The following ATG7 variants were observed in gnomAD, a reference collection of about 807,000 sequenced individuals.
ATG7 encodes the protein autophagy related 7, also known as ubiquitin-like modifier-activating enzyme ATG7.
ATG7 carries 70 observed loss-of-function variants against 82.4 expected under a neutral mutation model. That is an observed-to-expected ratio of 0.85 (90% CI 0.70 to 1.04). ATG7 has a LOEUF of 1.04. ATG7 is among the 50% of genes least tolerant of loss of function. The pLI is 0.00. For missense variants in ATG7, 792 were observed against 864.3 expected, an observed-to-expected ratio of 0.92 and a Z score of 1.05; for synonymous variants, 287 against 313.0, an observed-to-expected ratio of 0.92 and a Z score of 0.88.
rs185592473 is a variant in ATG7 at position 11,348,195 on chromosome 3, G to T, written c.1284+160G>T. On this transcript the variant is annotated intron_variant, in intron 14 of 20. Coordinates refer to ENST00000693202, the MANE Select transcript of ATG7 (RefSeq NM_001349232.2). ...CCTCTGTTTCCTCATCTCAGAGAGG[G>T]ATAAAAAAACACAACCAGGTCAGGC... 5.7e-6 allele frequency: 6 copies of T among 1,050,388 alleles called. No homozygotes were observed. In the Admixed American group the frequency reaches 1.5e-4, roughly 26 times the overall value. The allele number at this position is 1,050,388 out of a possible 1,614,324, so 65.1% of individuals were successfully genotyped here.
chr3:11,315,790 A>C (rs1949322783), intron 9 of ATG7, among the ~76,000 whole-genome samples: 1 of 152,086 alleles, frequency 6.6e-6, no homozygotes. Context: ...GCAGTGGCGC[A>C]ATCTTGGCTT....
chr3:11,561,520 T>A (rs2072999885), downstream of ATG7, among the ~76,000 whole-genome samples: 1 of 152,138 alleles, frequency 6.6e-6, no homozygotes, highest in African/African-American at 2.4e-5. Context: ...TGAGCCCTCG[T>A]GGGACTGGCT....
At chr3:11,390,919 A>C (rs987226150) in intron 19 of ATG7, among the ~76,000 whole-genome samples, 4 of 152,178 alleles carry the variant, frequency 2.6e-5, no homozygotes, top group African/African-American at 9.6e-5. Flanking sequence ...TCTGCTACCC[A>C]CTAACCATGT....
chr3:11,366,237 A>AAC (rs2152820719), intron 18 of ATG7, among the ~76,000 whole-genome samples: 1 of 151,678 alleles, frequency 6.6e-6, no homozygotes, highest in African/African-American at 2.4e-5. Context: ...AAAAAAAAAA[A>AAC]ATAGAACTTG....
At chr3:11,537,176 C>G (rs919425849) in intron 20 of ATG7, among the ~76,000 whole-genome samples, 1 of 152,214 alleles carries the variant, frequency 6.6e-6, no homozygotes, top group Non-Finnish European at 1.5e-5. Flanking sequence ...CCTCCCTCCA[C>G]TCCTGGACGG....
Position 11,412,649 on chromosome 3 carries a change from T to C in ATG7, c.1957-14155T>C, listed in dbSNP as rs911190240. On this transcript the variant is annotated intron_variant, in intron 19 of 20. Transcript: ENST00000693202. Reference sequence around the variant, plus strand: ...CAGCTTTGCTCCTCTTCTTCAAGATTGTTTTGGCAATTAAGTGTCTCTTAA... The same window carrying C: ...CAGCTTTGCTCCTCTTCTTCAAGATCGTTTTGGCAATTAAGTGTCTCTTAA... Among the ~76,000 whole-genome samples, 28 of 152,170 alleles carry C rather than the reference T, an allele frequency of 1.8e-4. 3 individuals carry two copies. Among genetic ancestry groups the C allele is most frequent in the Admixed American group, 1.5e-3 (23 of 15,274 alleles).
At chr3:11,334,361 C>T (rs1018184534) in intron 11 of ATG7, among the ~76,000 whole-genome samples, 29 of 152,056 alleles carry the variant, frequency 1.9e-4, no homozygotes, top group African/African-American at 6.7e-4. Flanking sequence ...TCTCCCTCCT[C>T]GGCCTCCCAA....
chr3:11,300,148 A>G (rs1304080783), intron 5 of ATG7, among the ~76,000 whole-genome samples: 3 of 152,086 alleles, frequency 2.0e-5, no homozygotes, highest in Non-Finnish European at 1.5e-5. Flanking sequence ...GCAGATCTTG[A>G]ACTCCTGACT....
the ATG7 span, among the ~76,000 whole-genome samples, chr3:11,566,920 G>A: frequency 2.6e-5 from 4 of 152,282 alleles, no homozygotes; most frequent in Middle Eastern, 3.4e-3. Context: ...ATGGGTGACC[G>A]TGTAAGAAAG....
At chr3:11,455,084 A>G (rs2085573131) in intron 20 of ATG7, among the ~76,000 whole-genome samples, 1 of 152,238 alleles carries the variant, frequency 6.6e-6, no homozygotes, top group Non-Finnish European at 1.5e-5. Flanking sequence ...GAGTTTAACA[A>G]CAATTACTAT....
chr3:11,529,103 C>A (rs115698977), intron 20 of ATG7, among the ~76,000 whole-genome samples: 1 of 151,760 alleles, frequency 6.6e-6, no homozygotes, highest in Admixed American at 6.6e-5. Context: ...GGAAACTACA[C>A]GTGTAGGTGG....
chr3:11,281,571 G>A (rs950461906), intron 2 of ATG7, among the ~76,000 whole-genome samples: 32 of 152,050 alleles, frequency 2.1e-4, no homozygotes, highest in African/African-American at 6.5e-4. Flanking sequence ...TCAGGAGTTC[G>A]AAACCAGCCT....
Position 11,481,105 on chromosome 3 carries a change from C to T in ATG7, c.2079+54179C>T, listed in dbSNP as rs1045364791. Among the ~76,000 whole-genome samples the T allele has an allele frequency of 2.6e-5, 4 of 152,216 alleles. No homozygotes were observed. In the East Asian group the frequency reaches 7.7e-4, roughly 29 times the overall value. On this transcript the variant is annotated intron_variant, in intron 20 of 20. Coordinates refer to ENST00000693202, the MANE Select transcript of ATG7 (RefSeq NM_001349232.2). Reference sequence around the variant, plus strand: ...TGTATGACTATAAATTTGTTTTCTTCGGCAAGCATTTCCCAAGCATGTGCT... The same window carrying T: ...TGTATGACTATAAATTTGTTTTCTTTGGCAAGCATTTCCCAAGCATGTGCT...
chr3:11,273,101 G>A (rs527973813), intron 1 of ATG7, among the ~76,000 whole-genome samples: 1 of 152,220 alleles, frequency 6.6e-6, no homozygotes, highest in Non-Finnish European at 1.5e-5. Context: ...GCAGTTTCCT[G>A]ATTTTTAAAC....
intron 20 of ATG7, among the ~76,000 whole-genome samples, chr3:11,536,600 T>G (rs796996592): frequency 3.3e-5 from 5 of 152,156 alleles, no homozygotes; most frequent in African/African-American, 7.2e-5. Context: ...CCCATCTGTT[T>G]TCAGAGTAAA....
At chr3:11,313,520 G>A (rs1277282841) in intron 8 of ATG7, 100 bp downstream of exon 8, 16 of 790,872 alleles carry the variant, frequency 2.0e-5, no homozygotes, top group Non-Finnish European at 2.4e-5. Flanking sequence ...TCTGGATGAA[G>A]ACGTGGTAAC....
chr3:11,526,175 G>T (rs2124948202), intron 20 of ATG7, among the ~76,000 whole-genome samples: 1 of 152,268 alleles, frequency 6.6e-6, no homozygotes, highest in African/African-American at 2.4e-5. Context: ...CAGATCGCTT[G>T]AGCTCAGGAG....
chr3:11,300,533 A>T (rs1369523467), intron 5 of ATG7, among the ~76,000 whole-genome samples: 1 of 152,194 alleles, frequency 6.6e-6, no homozygotes, highest in Non-Finnish European at 1.5e-5. Flanking sequence ...GGTTTAGAAT[A>T]TGTTGAGTTT....
chr3:11,564,889 G>A, the ATG7 span: 1 of 1,608,214 alleles, frequency 6.2e-7, no homozygotes, highest in Non-Finnish European at 8.5e-7. Flanking sequence ...GGCTGCTCCA[G>A]GCCAAGGCTG....
Sources: gnomAD v4.1 joint callset for allele counts (sites outside exome capture counted in the v4.1 genomes callset) on GRCh38, gnomAD v4.1.1 for gene constraint, MANE v1.5 for transcripts, NCBI Gene and HGNC (gene_info 2026-07-23, HGNC 2026-07-21) for gene names.